Variants in EPHB1 observed in about 807,000 individuals in gnomAD.
EPHB1 encodes the protein EPH receptor B1, also known as ephrin type-B receptor 1.
A neutral mutation model predicts 94.4 loss-of-function variants in EPHB1; 30 were observed. The ratio of observed to expected loss-of-function variants is 0.32; its 90% CI spans 0.24 to 0.43. The LOEUF (loss-of-function observed/expected upper bound fraction) is 0.43, where lower values mean the gene tolerates loss of function less well. EPHB1 is among the 20% of genes least tolerant of loss of function. The pLI, the probability that EPHB1 is intolerant of heterozygous loss-of-function variation, is 1.00. For synonymous variants in EPHB1, 522 were observed against 489.1 expected, an observed-to-expected ratio of 1.07 and a Z score of -0.89; for missense variants, 1,055 against 1,308.3, an observed-to-expected ratio of 0.81 and a Z score of 2.99.
chr3:135,037,128 A>G (rs1936670826), intron 3 of EPHB1, among the ~76,000 whole-genome samples: 1 of 152,226 alleles, frequency 6.6e-6, no homozygotes, highest in African/African-American at 2.4e-5. Flanking sequence ...CACATGCTGA[A>G]GAGCTAGAGT....
At chr3:135,139,487 G>A (rs182281999) in intron 5 of EPHB1, among the ~76,000 whole-genome samples, 404 of 152,304 alleles carry the variant, frequency 2.7e-3, no homozygotes, top group Non-Finnish European at 5.0e-3. Context: ...TCGCCTACTC[G>A]TCAAATATTT....
chr3:134,915,642 C>A (rs1287340470), intron 1 of EPHB1, among the ~76,000 whole-genome samples: 2 of 152,094 alleles, frequency 1.3e-5, no homozygotes, highest in African/African-American at 4.8e-5. Context: ...TTCAGAGTTT[C>A]TTACTTCTGG....
chr3:134,810,324 A>T (rs931112165), intron 1 of EPHB1, among the ~76,000 whole-genome samples: 6 of 130,636 alleles, frequency 4.6e-5, no homozygotes, highest in Admixed American at 4.6e-4. Flanking sequence ...TATGCAGATG[A>T]TGTAGACAGA....
At chr3:135,203,490 A>G (rs1942812812) in intron 12 of EPHB1, among the ~76,000 whole-genome samples, 1 of 152,322 alleles carries the variant, frequency 6.6e-6, no homozygotes, top group South Asian at 2.1e-4. Context: ...ACGGCCATCT[A>G]GTAAATATTC....
chr3:134,943,029 G>C (rs770275335), intron 2 of EPHB1, among the ~76,000 whole-genome samples: 12 of 152,204 alleles, frequency 7.9e-5, no homozygotes, highest in Non-Finnish European at 1.6e-4. Flanking sequence ...CCAGGGAAAG[G>C]ATTATGGAGG....
intron 9 of EPHB1, 36 bp from the exon 10 acceptor site, chr3:135,179,824 T>C (rs1310891891): frequency 2.5e-6 from 4 of 1,612,248 alleles, no homozygotes; most frequent in Non-Finnish European, 3.4e-6. Flanking sequence ...CCATGTCCTC[T>C]TTGGGATGTT....
chr3:135,020,882 A>C (rs1191599342), intron 3 of EPHB1, among the ~76,000 whole-genome samples: 1 of 152,222 alleles, frequency 6.6e-6, no homozygotes, highest in South Asian at 2.1e-4. Flanking sequence ...TTTCGTAAAT[A>C]GTAATAGGGT....
chr3:134,965,215 C>T (rs909247062), intron 3 of EPHB1, among the ~76,000 whole-genome samples: 1 of 152,180 alleles, frequency 6.6e-6, no homozygotes, highest in Non-Finnish European at 1.5e-5. Context: ...TTCAAGCCTC[C>T]CTTTTCTTCT....
At chr3:134,815,668 C>A (rs900009818) in intron 1 of EPHB1, among the ~76,000 whole-genome samples, 1 of 152,130 alleles carries the variant, frequency 6.6e-6, no homozygotes, top group African/African-American at 2.4e-5. Flanking sequence ...AAAGGCTGAA[C>A]CAATTTATAT....
chr3:134,904,322 A>G (rs2038271221), intron 1 of EPHB1, among the ~76,000 whole-genome samples: 1 of 152,214 alleles, frequency 6.6e-6, no homozygotes, highest in Non-Finnish European at 1.5e-5. Context: ...AACCAGTTTA[A>G]TTTGCTGTTA....
chr3:135,210,759 T>A (rs1943013449), intron 12 of EPHB1, among the ~76,000 whole-genome samples: 1 of 152,158 alleles, frequency 6.6e-6, no homozygotes, highest in African/African-American at 2.4e-5. Flanking sequence ...CAGGACACTG[T>A]GATTCCCTCT....
intron 3 of EPHB1, among the ~76,000 whole-genome samples, chr3:135,061,309 C>T (rs1186516626): frequency 2.6e-5 from 4 of 151,372 alleles, no homozygotes; most frequent in South Asian, 2.1e-4. Flanking sequence ...CCCCAAAGTC[C>T]GTTGTATCAT....
chr3:134,819,277 C>T (rs1217187226), intron 1 of EPHB1, among the ~76,000 whole-genome samples: 1 of 152,098 alleles, frequency 6.6e-6, no homozygotes, highest in Non-Finnish European at 1.5e-5. Flanking sequence ...TCTCCCTATG[C>T]CTTAGGGGAT....
At chr3:135,063,867 C>G (rs1445366560) in intron 3 of EPHB1, among the ~76,000 whole-genome samples, 2 of 151,962 alleles carry the variant, frequency 1.3e-5, no homozygotes, top group East Asian at 3.9e-4. Context: ...AGGTGTGTCC[C>G]TTGTATGCTG....
At chr3:134,913,896 C>T (rs1205507512) in intron 1 of EPHB1, among the ~76,000 whole-genome samples, 1 of 152,184 alleles carries the variant, frequency 6.6e-6, no homozygotes, top group Non-Finnish European at 1.5e-5. Flanking sequence ...ATTTGGGCTC[C>T]TTGGTGACCT....
At chr3:135,099,661 A>G (rs965966300) in intron 3 of EPHB1, among the ~76,000 whole-genome samples, 2 of 152,234 alleles carry the variant, frequency 1.3e-5, no homozygotes, top group African/African-American at 2.4e-5. Context: ...TAATGGAGAC[A>G]TTTGGCCACA....
At chr3:134,853,241 G>T (rs1020547197) in intron 1 of EPHB1, among the ~76,000 whole-genome samples, 1 of 152,216 alleles carries the variant, frequency 6.6e-6, no homozygotes, top group African/African-American at 2.4e-5. Flanking sequence ...TTGTGAGCTG[G>T]TGAGTGCTGC....
chr3:135,038,496 C>T (rs1260186441), intron 3 of EPHB1, among the ~76,000 whole-genome samples: 4 of 152,132 alleles, frequency 2.6e-5, no homozygotes, highest in Admixed American at 6.5e-5. Context: ...CTGACCCTGT[C>T]AAGGTGCCAG....
chr3:134,987,374 T>C (rs1934637070), intron 3 of EPHB1, among the ~76,000 whole-genome samples: 1 of 152,058 alleles, frequency 6.6e-6, no homozygotes, highest in African/African-American at 2.4e-5. Flanking sequence ...AGGAGATAAT[T>C]AAGGTTAAAT....
Sources: gnomAD v4.1 joint callset for allele counts (sites outside exome capture counted in the v4.1 genomes callset) on GRCh38, gnomAD v4.1.1 for gene constraint, MANE v1.5 for transcripts, NCBI Gene and HGNC (gene_info 2026-07-23, HGNC 2026-07-21) for gene names.